The following PROB1 variants were observed in gnomAD, a reference collection of about 807,000 sequenced individuals.
PROB1 encodes the protein proline-rich basic protein 1.
For missense variants in PROB1, 1,453 were observed against 1,485.7 expected (o/e 0.98, Z 0.36); for synonymous variants, 660 against 699.3 (o/e 0.94, Z 0.89).
Position 139,392,285 on chromosome 5 carries a change from G to C in PROB1, c.2797C>G (p.Leu933Val), listed in dbSNP as rs1170950795. The change falls in exon 1 of 1, where the codon CTG (leucine) becomes GTG (valine). Residue 933 changes from leucine to valine, a missense_variant. Physicochemically the swap from Leu to Val is conservative, Grantham distance 32. Transcript: ENST00000434752. The surrounding 1 kb of genome is among the most constrained non-coding windows in gnomAD (Gnocchi z 5.8). ...PGPPHRVYTP[L>V]ALGLGLYPPA... ...GGGTAGAGGCCGAGCCCCAGGGCCAGAGGGGTGTAGACGCGGTGGGGCGGC... is the reference window on the plus strand; with the variant it reads ...GGGTAGAGGCCGAGCCCCAGGGCCACAGGGGTGTAGACGCGGTGGGGCGGC... 2.6e-6 allele frequency: 4 copies of C among 1,522,926 alleles called. No individual in the cohort carries two copies. In the Admixed American group the frequency reaches 8.3e-5, roughly 32 times the overall value. 94.3% of individuals were successfully genotyped at this position (1,522,926 alleles called of 1,614,324 possible).
Position 139,392,722 on chromosome 5 carries a change from T to C in PROB1, c.2360A>G (p.Gln787Arg). Residue 787 changes from glutamine to arginine, a missense_variant, in exon 1 of 1, where the codon CAG (glutamine) becomes CGG (arginine). Transcript: ENST00000434752. The surrounding 1 kb of genome is among the most constrained non-coding windows in gnomAD (Gnocchi z 5.8). Reference protein sequence around the residue: ...SPLGGARSSSQRSPVGPAGVR... With the variant: ...SPLGGARSSSRRSPVGPAGVR... ...CCCTGCTGGCCCTACGGGGGAGCGC[T>C]GGGATGAGCTGCGGGCGCCGCCTAG... 1 of 1,407,212 alleles carries C rather than the reference T, an allele frequency of 7.1e-7. No homozygotes were observed. The highest frequency in any genetic ancestry group is 1.5e-5 in the African/African-American group (1 of 65,616). 87.2% of individuals were successfully genotyped at this position (1,407,212 alleles called of 1,614,324 possible).
Position 139,392,302 on chromosome 5 carries a change from T to C in PROB1, c.2780A>G (p.His927Arg). The C allele has an allele frequency of 7.1e-7, 1 of 1,412,940 alleles. No homozygotes were observed. The highest frequency in any genetic ancestry group is 9.3e-7 in the Non-Finnish European group (1 of 1,075,776). The allele number at this position is 1,412,940 out of a possible 1,614,324, so 87.5% of individuals were successfully genotyped here. The change falls in exon 1 of 1, where the codon CAC (histidine) becomes CGC (arginine). Residue 927 changes from histidine to arginine, a missense_variant. Transcript: ENST00000434752. The surrounding 1 kb of genome is among the most constrained non-coding windows in gnomAD (Gnocchi z 5.8). The part of the protein sequence containing the change: ...LLPPSSPGPP[H>R]RVYTPLALGL... ...CAGGGCCAGAGGGGTGTAGACGCGG[T>C]GGGGCGGCCCGGGAGACGAGGGCGG...
chr5:139,391,924 T>G lies in PROB1; in HGVS notation c.*110A>C. Reference sequence around the variant, plus strand: ...GATCACTTCCTGTCCGACGACTGACTGGGATGGGTTAAAGACAGAGGCGAC... The same window carrying G: ...GATCACTTCCTGTCCGACGACTGACGGGGATGGGTTAAAGACAGAGGCGAC... On this transcript the variant is annotated 3_prime_UTR_variant, in exon 1 of 1. Transcript: ENST00000434752. This position sits in a 1 kb window ranked among gnomAD's most constrained non-coding sequence, Gnocchi z 4.8. 1 of 866,016 alleles carries G rather than the reference T, an allele frequency of 1.2e-6. No homozygotes were observed. The highest frequency in any genetic ancestry group is 1.5e-6 in the Non-Finnish European group (1 of 645,696). The allele number at this position is 866,016 out of a possible 1,614,324, so 53.6% of individuals were successfully genotyped here. A position where few individuals can be genotyped will look rare whatever the true frequency, so the allele number is the denominator to read the frequency against.
rs11743760 is a variant in PROB1 at position 139,392,682 on chromosome 5, G to A, written c.2400C>T (p.Arg800=). 2.8e-4 allele frequency: 387 copies of A among 1,396,262 alleles called. No individual in the cohort carries two copies. Among genetic ancestry groups the A allele is most frequent in the Non-Finnish European group, 3.5e-4 (376 of 1,075,218 alleles). The allele number at this position is 1,396,262 out of a possible 1,614,324, so 86.5% of individuals were successfully genotyped here. The change falls in exon 1 of 1, where the codon CGC becomes CGT. Residue 800 remains arginine (R), a synonymous_variant. Coordinates refer to ENST00000434752, the MANE Select transcript of PROB1 (RefSeq NM_001161546.2). The surrounding 1 kb of genome is among the most constrained non-coding windows in gnomAD (Gnocchi z 5.8). ...PVGPAGVRSP[R]PGSPQMQASP... is the part of the protein sequence containing the mutation. ...TGGCTTGCATCTGAGGGGAGCCGGG[G>A]CGGGGCGATCGGACCCCTGCTGGCC...
In PROB1 at chr5:139,393,303, G is replaced by A; in HGVS notation, c.1779C>T (p.His593=). The part of the protein sequence containing the change: ...EVAAPEPPGS[H]PVGTLDADKC... ...TATCCGCGTCCAGGGTGCCCACAGG[G>A]TGGCTGCCGGGCGGCTCGGGTGCTG... Residue 593 remains histidine, a synonymous_variant, in exon 1 of 1, where the codon CAC becomes CAT. Coordinates refer to ENST00000434752, the MANE Select transcript of PROB1 (RefSeq NM_001161546.2). 1 of 1,550,642 alleles carries A rather than the reference G, an allele frequency of 6.4e-7. No individual in the cohort carries two copies.
Position 139,394,024 on chromosome 5 carries a change from G to T in PROB1, c.1058C>A (p.Ala353Glu). Residue 353 changes from alanine (A) to glutamate (E), a missense_variant, in exon 1 of 1, where the codon GCG becomes GAG. Physicochemically the swap from Ala to Glu is moderately radical, Grantham distance 107. Transcript: ENST00000434752. The stretch of plus-strand genomic sequence containing the variant: ...CTCTCGCGGGAACCGAGTCTTCCGC[G>T]CCTCCTGGATCTTCTCCTCTGACTG... ...FLQSEEKIQE[A>E]RKTRFPREAP... is the part of the protein sequence containing the mutation. The T allele has an allele frequency of 1.3e-6, 2 of 1,550,682 alleles. No individual in the cohort carries two copies. Among genetic ancestry groups the T allele is most frequent in the Non-Finnish European group, 1.7e-6 (2 of 1,146,998 alleles).
rs776699579 is a variant in PROB1 at position 139,392,771 on chromosome 5, C to G, written c.2311G>C (p.Asp771His). Residue 771 changes from aspartate (D) to histidine (H), a missense_variant, in exon 1 of 1, where the codon GAC (aspartate) becomes CAC (histidine). By Grantham distance (81) the Asp-to-His change is moderately conservative. Coordinates refer to ENST00000434752, the MANE Select transcript of PROB1 (RefSeq NM_001161546.2). The surrounding 1 kb of genome is among the most constrained non-coding windows in gnomAD (Gnocchi z 5.8). ...RDVEAQRLVP[D>H]GDGRTSPLGG... ...AGAGGGCTGGTCCGACCGTCGCCGTCGGGGACCAGGCGCTGGGCCTCTACA... is the reference window on the plus strand; with the variant it reads ...AGAGGGCTGGTCCGACCGTCGCCGTGGGGGACCAGGCGCTGGGCCTCTACA... The G allele has an allele frequency of 2.2e-5, 31 of 1,439,798 alleles. No individual in the cohort carries two copies. In the South Asian group the frequency reaches 4.4e-4, roughly 20 times the overall value. 89.2% of individuals were successfully genotyped at this position (1,439,798 alleles called of 1,614,324 possible). A position where few individuals can be genotyped will look rare whatever the true frequency, so the allele number is the denominator to read the frequency against.
At position 139,392,023 on chromosome 5, in the gene PROB1, G is replaced by A. The variant is rs1561988314; in HGVS notation, c.*11C>T. The A allele has an allele frequency of 2.2e-6, 3 of 1,368,970 alleles. No individual in the cohort carries two copies. Among genetic ancestry groups the A allele is most frequent in the Non-Finnish European group, 2.8e-6 (3 of 1,055,722 alleles). 84.8% of individuals were successfully genotyped at this position (1,368,970 alleles called of 1,614,324 possible). On this transcript the variant is annotated 3_prime_UTR_variant, in exon 1 of 1. Coordinates refer to ENST00000434752, the MANE Select transcript of PROB1 (RefSeq NM_001161546.2). This position sits in a 1 kb window ranked among gnomAD's most constrained non-coding sequence, Gnocchi z 5.8. ...CAAGGGCTCCAACTCCATGGGGATC[G>A]GCCCGGGGCCTCACAGCGGGAACAA...
Position 139,392,868 on chromosome 5 carries a change from G to T in PROB1, c.2214C>A (p.Ala738=). 6.5e-7 allele frequency: 1 copy of T among 1,544,156 alleles called. No individual in the cohort carries two copies. The highest frequency in any genetic ancestry group is 2.5e-5 in the East Asian group (1 of 40,688). Residue 738 remains alanine (A), a synonymous_variant, in exon 1 of 1, where the codon GCC becomes GCA. Coordinates refer to ENST00000434752, the MANE Select transcript of PROB1 (RefSeq NM_001161546.2). This position sits in a 1 kb window ranked among gnomAD's most constrained non-coding sequence, Gnocchi z 5.8. ...CCTCGGGCCGGCGACCCAAGGCCAG[G>T]GCCCCAGGCAGGCGGATCTCTGTGC... ...FKRTEIRLPG[A]LALGRRPEVT... is the part of the protein sequence containing the mutation.
rs1213280630 is a variant in PROB1, at chr5:139,392,153, C to G, written c.2929G>C (p.Gly977Arg). Residue 977 changes from glycine to arginine, a missense_variant, in exon 1 of 1, where the codon GGG becomes CGG. Coordinates refer to ENST00000434752, the MANE Select transcript of PROB1 (RefSeq NM_001161546.2). This position sits in a 1 kb window ranked among gnomAD's most constrained non-coding sequence, Gnocchi z 5.8. ...CCGCTCACCGGCAGGTAGTAGGTCC[C>G]GTCCAGGGGCCCTGCCTCAGAGACC... ...PWVSEAGPLD[G>R]TYYLPVSGTP... 2 of 1,410,684 alleles carry G rather than the reference C, an allele frequency of 1.4e-6. No individual in the cohort carries two copies. The highest frequency in any genetic ancestry group is 9.3e-7 in the Non-Finnish European group (1 of 1,077,968). The allele number at this position is 1,410,684 out of a possible 1,614,324, so 87.4% of individuals were successfully genotyped here. A position where few individuals can be genotyped will look rare whatever the true frequency, so the allele number is the denominator to read the frequency against.
rs765433997 is a variant in PROB1, at chr5:139,392,779, A to C, written c.2303T>G (p.Leu768Arg). The C allele has an allele frequency of 2.4e-5, 35 of 1,442,402 alleles. No homozygotes were observed. Among genetic ancestry groups the C allele is most frequent in the Non-Finnish European group, 2.9e-5 (32 of 1,094,812 alleles). The allele number at this position is 1,442,402 out of a possible 1,614,324, so 89.4% of individuals were successfully genotyped here. A position where few individuals can be genotyped will look rare whatever the true frequency, so the allele number is the denominator to read the frequency against. The change falls in exon 1 of 1, where the codon CTG becomes CGG. Residue 768 changes from leucine to arginine, a missense_variant. Physicochemically the swap from Leu to Arg is moderately radical, Grantham distance 102 (BLOSUM62 -2). Coordinates refer to ENST00000434752, the MANE Select transcript of PROB1 (RefSeq NM_001161546.2). This position sits in a 1 kb window ranked among gnomAD's most constrained non-coding sequence, Gnocchi z 5.8. ...GGTCCGACCGTCGCCGTCGGGGACC[A>C]GGCGCTGGGCCTCTACATCCCTGTT... ...GENRDVEAQR[L>R]VPDGDGRTSP...
chr5:139,394,513 T>C lies in PROB1; in HGVS notation c.569A>G (p.Glu190Gly), dbSNP rs1457998613. 2.8e-6 allele frequency: 4 copies of C among 1,448,034 alleles called. No individual in the cohort carries two copies. Among genetic ancestry groups the C allele is most frequent in the Admixed American group, 2.7e-5 (1 of 36,872 alleles). 89.7% of individuals were successfully genotyped at this position (1,448,034 alleles called of 1,614,324 possible). ...PAAPAQFECVEVALEEGAAPA... is the reference protein window; with the variant it reads ...PAAPAQFECVGVALEEGAAPA... ...CGCGGCGCCCTCCTCCAGAGCCACC[T>C]CCACACACTCGAACTGCGCTGGGGC... The change falls in exon 1 of 1, where the codon GAG becomes GGG. Residue 190 changes from glutamate (E) to glycine (G), a missense_variant. Transcript: ENST00000434752.
At position 139,393,031 on chromosome 5, in the gene PROB1, A is replaced by C. The variant is rs1287072798; in HGVS notation, c.2051T>G (p.Ile684Ser). 1.3e-6 allele frequency: 2 copies of C among 1,524,626 alleles called. No individual in the cohort carries two copies. The highest frequency in any genetic ancestry group is 1.8e-6 in the Non-Finnish European group (2 of 1,134,872). 94.4% of individuals were successfully genotyped at this position (1,524,626 alleles called of 1,614,324 possible). ...PAPAHYTSVF[I>S]KDFLPVVPHP... ...CGGCACCACCGGTAGAAAATCCTTG[A>C]TGAAAACGGAAGTGTAGTGAGCCGG... The change falls in exon 1 of 1, where the codon ATC becomes AGC. Residue 684 changes from isoleucine to serine, a missense_variant. Coordinates refer to ENST00000434752, the MANE Select transcript of PROB1 (RefSeq NM_001161546.2).
Position 139,394,972 on chromosome 5 carries a change from G to C in PROB1, c.110C>G (p.Ala37Gly). The change falls in exon 1 of 1, where the codon GCT becomes GGT. Residue 37 changes from alanine (A) to glycine (G), a missense_variant. Transcript: ENST00000434752. ...GTCCGGGGGCTCCGGAGAACCTGGA[G>C]CCGTGTAGTAGGAGCCTGACGAACC... ...SSGSSGSYYT[A>G]PGSPEPPDVG... 1 of 1,519,400 alleles carries C rather than the reference G, an allele frequency of 6.6e-7. No individual in the cohort carries two copies. Among genetic ancestry groups the C allele is most frequent in the Non-Finnish European group, 8.8e-7 (1 of 1,135,036 alleles). 94.1% of individuals were successfully genotyped at this position (1,519,400 alleles called of 1,614,324 possible). A position where few individuals can be genotyped will look rare whatever the true frequency, so the allele number is the denominator to read the frequency against.
chr5:139,390,665 C>CG lies in PROB1; in HGVS notation c.*1368_*1369insC, dbSNP rs1758591285. The CG allele has an allele frequency of 6.6e-6, 1 of 152,222 alleles. No individual in the cohort carries two copies. Among genetic ancestry groups the CG allele is most frequent in the South Asian group, 2.1e-4 (1 of 4,836 alleles). The allele number at this position is 152,222 out of a possible 1,614,324, so 9.4% of individuals were successfully genotyped here. On this transcript the variant is annotated 3_prime_UTR_variant, in exon 1 of 1. Coordinates refer to ENST00000434752, the MANE Select transcript of PROB1 (RefSeq NM_001161546.2). ...GATGAGGTAAAGACACCTGGGGTGG[C>CG]CCCAGGGCCCTCCATGCCATCGGAG... is the stretch of plus-strand genomic sequence containing the variant.
chr5:139,394,052 G>A lies in PROB1; in HGVS notation c.1030C>T (p.Leu344Phe). The A allele has an allele frequency of 1.3e-6, 2 of 1,550,878 alleles. No homozygotes were observed. Among genetic ancestry groups the A allele is most frequent in the Non-Finnish European group, 1.7e-6 (2 of 1,146,996 alleles). Residue 344 changes from leucine (L) to phenylalanine (F), a missense_variant, in exon 1 of 1, where the codon CTT (leucine) becomes TTT (phenylalanine). Transcript: ENST00000434752. Reference protein sequence around the residue: ...PLGPVSSSIFLQSEEKIQEAR... With the variant: ...PLGPVSSSIFFQSEEKIQEAR... ...TCCTGGATCTTCTCCTCTGACTGAAGGAAGATGCTGGAACTAACAGGACCC... is the reference window on the plus strand; with the variant it reads ...TCCTGGATCTTCTCCTCTGACTGAAAGAAGATGCTGGAACTAACAGGACCC...
Position 139,392,824 on chromosome 5 carries a change from G to C in PROB1, c.2258C>G (p.Ala753Gly). 6.6e-7 allele frequency: 1 copy of C among 1,522,202 alleles called. No homozygotes were observed. The highest frequency in any genetic ancestry group is 2.5e-5 in the East Asian group (1 of 40,370). 94.3% of individuals were successfully genotyped at this position (1,522,202 alleles called of 1,614,324 possible). A position where few individuals can be genotyped will look rare whatever the true frequency, so the allele number is the denominator to read the frequency against. Residue 753 changes from alanine (A) to glycine (G), a missense_variant, in exon 1 of 1, where the codon GCG (alanine) becomes GGG (glycine). Coordinates refer to ENST00000434752, the MANE Select transcript of PROB1 (RefSeq NM_001161546.2). The surrounding 1 kb of genome is among the most constrained non-coding windows in gnomAD (Gnocchi z 5.8). ...CCTGTTCTCTCCTCCAGGGCCGCGC[G>C]CTCGCACTCGCGAGGTTACCTCGGG... Reference protein sequence around the residue: ...RRPEVTSRVRARGPGGENRDV... With the variant: ...RRPEVTSRVRGRGPGGENRDV...
chr5:139,394,513 TCC>T lies in PROB1; in HGVS notation c.567_568del (p.Glu190GlyfsTer90). On this transcript the variant is annotated frameshift_variant, in exon 1 of 1. Coordinates refer to ENST00000434752, the MANE Select transcript of PROB1 (RefSeq NM_001161546.2). LOFTEE classifies it low-confidence loss of function (END_TRUNC). ...CGCGGCGCCCTCCTCCAGAGCCACC[TCC>T]ACACACTCGAACTGCGCTGGGGCGG... is the stretch of plus-strand genomic sequence containing the variant. The T allele has an allele frequency of 6.9e-7, 1 of 1,448,152 alleles. No homozygotes were observed. The highest frequency in any genetic ancestry group is 9.0e-7 in the Non-Finnish European group (1 of 1,108,736). The allele number at this position is 1,448,152 out of a possible 1,614,324, so 89.7% of individuals were successfully genotyped here.
rs1228488986 is a variant in PROB1, at chr5:139,394,666, G to A, written c.416C>T (p.Ala139Val). 6.8e-5 allele frequency: 105 copies of A among 1,534,818 alleles called. No homozygotes were observed. Among genetic ancestry groups the A allele is most frequent in the Non-Finnish European group, 2.4e-5 (27 of 1,145,600 alleles). ...REAQQQFTEP[A>V]FISPLPPGPA... ...CCCCGGCGGCAAGGGGCTGATGAAGGCCGGCTCCGTGAACTGTTGTTGCGC... is the reference window on the plus strand; with the variant it reads ...CCCCGGCGGCAAGGGGCTGATGAAGACCGGCTCCGTGAACTGTTGTTGCGC... The change falls in exon 1 of 1, where the codon GCC becomes GTC. Residue 139 changes from alanine (A) to valine (V), a missense_variant. By Grantham distance (64) the Ala-to-Val change is moderately conservative. Coordinates refer to ENST00000434752, the MANE Select transcript of PROB1 (RefSeq NM_001161546.2).
Sources: gnomAD v4.1 joint callset for allele counts on GRCh38, gnomAD v4.1.1 for gene constraint, Gnocchi (gnomAD v3.1) non-coding constraint, MANE v1.5 for transcripts, NCBI Gene and HGNC (gene_info 2026-07-23, HGNC 2026-07-21) for gene names.